The following ABHD14A variants were observed in gnomAD, a reference collection of about 807,000 sequenced individuals.
ABHD14A encodes the protein abhydrolase domain containing 14A, also known as protein ABHD14A.
A neutral mutation model predicts 27.0 loss-of-function variants in ABHD14A; 19 were observed. That is an observed-to-expected ratio of 0.70 (90% confidence interval 0.49 to 1.03). ABHD14A has a LOEUF of 1.03. Ranked by LOEUF, ABHD14A falls within the 50% of genes least tolerant of loss-of-function variation. The probability of loss-of-function intolerance (pLI) is 0.00; values close to 1 mark genes in which losing one functional copy is unlikely to be tolerated. For missense variants in ABHD14A, 311 were observed against 344.6 expected (o/e 0.90, Z 0.77); for synonymous variants, 148 against 158.8 (o/e 0.93, Z 0.51).
intron 1 of ABHD14A, among the ~76,000 whole-genome samples, chr3:51,976,781 C>T (rs1700796829): frequency 2.0e-5 from 3 of 152,172 alleles, no homozygotes; most frequent in Non-Finnish European, 2.9e-5. Context: ...ATCCAGTCCA[C>T]GGTATTATCT....
Position 51,980,272 on chromosome 3 carries a change from G to A in ABHD14A, c.398-121G>A, listed in dbSNP as rs746863464. The A allele has an allele frequency of 4.8e-6, 4 of 838,576 alleles. No homozygotes were observed. In the Admixed American group the frequency reaches 6.0e-5, roughly 12 times the overall value. The allele number at this position is 838,576 out of a possible 1,614,324, so 51.9% of individuals were successfully genotyped here. A position where few individuals can be genotyped will look rare whatever the true frequency, so the allele number is the denominator to read the frequency against. On this transcript the variant is annotated intron_variant, in intron 3 of 4. Transcript: ENST00000273596. ...TTACATTACCAGAAAATAGCTTCTGGGCAGTTTTAGGTAGTGTGTGCCAGT... is the reference window on the plus strand; with the variant it reads ...TTACATTACCAGAAAATAGCTTCTGAGCAGTTTTAGGTAGTGTGTGCCAGT...
In ABHD14A at chr3:51,975,116, G is replaced by C. The variant is rs1577713495; in HGVS notation, c.-20G>C. On this transcript the variant is annotated 5_prime_UTR_variant, in exon 1 of 5. Transcript: ENST00000273596. ...TGGCCGCCTAGAGCCGGAGCGGCCC[G>C]CGGAGCTGCGGAGGCAGCCATGGTC... The C allele has an allele frequency of 2.3e-6, 3 of 1,290,350 alleles. No homozygotes were observed. The highest frequency in any genetic ancestry group is 4.2e-5 in the Admixed American group (1 of 24,034). 79.9% of individuals were successfully genotyped at this position (1,290,350 alleles called of 1,614,324 possible). A position where few individuals can be genotyped will look rare whatever the true frequency, so the allele number is the denominator to read the frequency against.
chr3:51,975,294 C>T, intron 1 of ABHD14A, 90 bp downstream of exon 1: 1 of 1,175,042 alleles, frequency 8.5e-7, no homozygotes, highest in Non-Finnish European at 1.1e-6. Context: ...GGGGCAGAGT[C>T]CCGCGGAAGA....
chr3:51,976,445 G>A (rs549571426), intron 1 of ABHD14A, among the ~76,000 whole-genome samples: 36 of 152,342 alleles, frequency 2.4e-4, no homozygotes, highest in African/African-American at 8.2e-4. Context: ...GGGAGGCCGA[G>A]GCGGGTGAAA....
intron 1 of ABHD14A, 26 bp downstream of exon 1, chr3:51,975,230 G>A (rs778690678): frequency 8.8e-6 from 11 of 1,250,418 alleles, no homozygotes; most frequent in Non-Finnish European, 1.1e-5. Flanking sequence ...GAGGGAGGCC[G>A]GCCGGTGGCC....
At chr3:51,978,209 G>A (rs200892968) in intron 2 of ABHD14A, 50 bp from the exon 3 acceptor site, 2 of 1,532,962 alleles carry the variant, frequency 1.3e-6, no homozygotes, top group Non-Finnish European at 1.8e-6. Context: ...AATAAAGAAA[G>A]GTGGGCTACA....
rs760254977 is a variant in ABHD14A at position 51,978,020 on chromosome 3, T to C, written c.219T>C (p.Gly73=). ...ACCCCAATGTCACAGTCCTGGCTGG[T>C]CTCACCCCTGGCAACTCGCCCATCT... is the stretch of plus-strand genomic sequence containing the variant. ...WGDPNVTVLA[G]LTPGNSPIFY... is the part of the protein sequence containing the mutation. The change falls in exon 2 of 5, where the codon GGT becomes GGC. Residue 73 remains glycine (G), a synonymous_variant. Coordinates refer to ENST00000273596, the MANE Select transcript of ABHD14A (RefSeq NM_015407.5). 3.1e-6 allele frequency: 5 copies of C among 1,613,908 alleles called. No homozygotes were observed. In the African/African-American group the frequency reaches 6.7e-5, roughly 22 times the overall value.
intron 1 of ABHD14A, among the ~76,000 whole-genome samples, chr3:51,976,607 G>A (rs112897372): frequency 0.026 from 3,986 of 152,260 alleles, 176 homozygotes; most frequent in African/African-American, 0.088. Flanking sequence ...CCCGGGAGGC[G>A]GAGGTTGCAG....
At position 51,981,059 on chromosome 3, in the gene ABHD14A, C is replaced by T. The variant is rs756595354; in HGVS notation, c.*41C>T. 6 of 1,580,752 alleles carry T rather than the reference C, an allele frequency of 3.8e-6. No individual in the cohort carries two copies. The Admixed American group carries it at 1.0e-4, about 27-fold the overall frequency. On this transcript the variant is annotated 3_prime_UTR_variant, in exon 5 of 5. Transcript: ENST00000273596. ...GCTCCCAGCCTGGCATGAGCTTGGACAGTCTGGACCGCCACCCTCCCTGAA... is the reference window on the plus strand; with the variant it reads ...GCTCCCAGCCTGGCATGAGCTTGGATAGTCTGGACCGCCACCCTCCCTGAA...
intron 3 of ABHD14A, chr3:51,978,732 C>A: frequency 3.6e-6 from 1 of 276,792 alleles, no homozygotes; most frequent in Non-Finnish European, 7.4e-6. Context: ...GCTGAGATTA[C>A]AGGTGACTGC....
intron 3 of ABHD14A, 42 bp downstream of exon 3, chr3:51,978,416 G>A (rs995561316): frequency 6.7e-7 from 1 of 1,491,468 alleles, no homozygotes; most frequent in Non-Finnish European, 9.1e-7. Flanking sequence ...CCTTAAGTGT[G>A]GCTGGGAGGC....
intron 1 of ABHD14A, 137 bp downstream of exon 1, chr3:51,975,341 G>GT (rs1700764099): frequency 1.2e-6 from 1 of 805,516 alleles, no homozygotes; most frequent in South Asian, 6.0e-5. Context: ...ATGTGCGCGC[G>GT]TGTAATGTGT....
chr3:51,975,112 G>A lies in ABHD14A; in HGVS notation c.-24G>A. ...CTCCTGGCCGCCTAGAGCCGGAGCG[G>A]CCCGCGGAGCTGCGGAGGCAGCCAT... On this transcript the variant is annotated 5_prime_UTR_variant, in exon 1 of 5. Coordinates refer to ENST00000273596, the MANE Select transcript of ABHD14A (RefSeq NM_015407.5). The A allele has an allele frequency of 7.7e-7, 1 of 1,291,296 alleles. No individual in the cohort carries two copies. Among genetic ancestry groups the A allele is most frequent in the Admixed American group, 4.2e-5 (1 of 24,050 alleles). 80.0% of individuals were successfully genotyped at this position (1,291,296 alleles called of 1,614,324 possible). A position where few individuals can be genotyped will look rare whatever the true frequency, so the allele number is the denominator to read the frequency against.
chr3:51,980,868 C>T lies in ABHD14A; in HGVS notation c.666C>T (p.Asp222=). 1 of 1,614,096 alleles carries T rather than the reference C, an allele frequency of 6.2e-7. No homozygotes were observed. Among genetic ancestry groups the T allele is most frequent in the Non-Finnish European group, 8.5e-7 (1 of 1,180,018 alleles). ...CCCTTATCCTGTATGGAGAGCTGGACCACATCCTGGCTCGAGAGTCACTGC... is the reference window on the plus strand; with the variant it reads ...CCCTTATCCTGTATGGAGAGCTGGATCACATCCTGGCTCGAGAGTCACTGC... ...TPTLILYGEL[D]HILARESLRQ... is the part of the protein sequence containing the mutation. The change falls in exon 5 of 5, where the codon GAC becomes GAT. Residue 222 remains aspartate, a synonymous_variant. Coordinates refer to ENST00000273596, the MANE Select transcript of ABHD14A (RefSeq NM_015407.5).
In ABHD14A at chr3:51,978,049, A is replaced by G. The variant is rs2106813572; in HGVS notation, c.248A>G (p.Tyr83Cys). 2 of 1,613,976 alleles carry G rather than the reference A, an allele frequency of 1.2e-6. No homozygotes were observed. The highest frequency in any genetic ancestry group is 3.3e-4 in the Middle Eastern group (2 of 6,062). The change falls in exon 2 of 5, where the codon TAC becomes TGC. Residue 83 changes from tyrosine (Y) to cysteine (C), a missense_variant. Tyr to Cys is a radical substitution (Grantham distance 194, BLOSUM62 -2). Coordinates refer to ENST00000273596, the MANE Select transcript of ABHD14A (RefSeq NM_015407.5). ...ACCCCTGGCAACTCGCCCATCTTTT[A>G]CCGCGAGGTGCTCCCACTCAACCAG... ...GLTPGNSPIF[Y>C]REVLPLNQAH...
intron 1 of ABHD14A, among the ~76,000 whole-genome samples, chr3:51,975,854 AGCGTGTGGGGGCAAGACTCGTATTTGT>A (rs1700776389): frequency 6.6e-6 from 1 of 152,020 alleles, no homozygotes; most frequent in Non-Finnish European, 1.5e-5. Flanking sequence ...GCAAAAGAAA[AGCGTGTGGGGGCAAGACTCGTATTTGT>A]GCGTGTGTGC....
At position 51,975,263 on chromosome 3, in the gene ABHD14A, C is replaced by T. The variant is rs533431804; in HGVS notation, c.69+59C>T. ...GCCCAGGGGAGGGCCGTCTTTACCC[C>T]GCCCCTTGCCCCGGCGCCCCGGGGC... On this transcript the variant is annotated intron_variant, in intron 1 of 4. Transcript: ENST00000273596. 266 of 1,232,210 alleles carry T rather than the reference C, an allele frequency of 2.2e-4. 4 individuals carry two copies. In the East Asian group the frequency reaches 5.0e-3, roughly 23 times the overall value. 76.3% of individuals were successfully genotyped at this position (1,232,210 alleles called of 1,614,324 possible).
chr3:51,981,108 G>GGAGGCCA lies in ABHD14A; in HGVS notation c.*99_*105dup, dbSNP rs1700900940. On this transcript the variant is annotated 3_prime_UTR_variant, in exon 5 of 5. Transcript: ENST00000273596. ...AACCAGGGAGACAGCCTCTGGGATT[G>GGAGGCCA]GAGGCCAGAGGCCAGGGTCAGACCC... 1.4e-6 allele frequency: 2 copies of GGAGGCCA among 1,434,346 alleles called. No homozygotes were observed. Among genetic ancestry groups the GGAGGCCA allele is most frequent in the African/African-American group, 2.9e-5 (2 of 68,666 alleles). 88.9% of individuals were successfully genotyped at this position (1,434,346 alleles called of 1,614,324 possible).
At chr3:51,978,446 G>T in intron 3 of ABHD14A, 72 bp downstream of exon 3, 2 of 1,196,064 alleles carry the variant, frequency 1.7e-6, no homozygotes. Flanking sequence ...CTAGGGTCTG[G>T]ACAGGCCGTG....
Sources: gnomAD v4.1 joint callset for allele counts (sites outside exome capture counted in the v4.1 genomes callset) on GRCh38, gnomAD v4.1.1 for gene constraint, MANE v1.5 for transcripts, NCBI Gene and HGNC (gene_info 2026-07-23, HGNC 2026-07-21) for gene names.